SORBS2: variants seen among roughly 807,000 people sequenced by gnomAD.
SORBS2 encodes the protein sorbin and SH3 domain containing 2.
In SORBS2, 46 loss-of-function variants were observed where a neutral mutation model predicts 97.7. The ratio of observed to expected loss-of-function variants is 0.47; its 90% confidence interval spans 0.37 to 0.60. The LOEUF (loss-of-function observed/expected upper bound fraction) is 0.60, where lower values mean the gene tolerates loss of function less well. SORBS2 is among the 20% of genes least tolerant of loss of function. The pLI is 0.00. For missense variants in SORBS2, 1,316 were observed against 1,282.3 expected (o/e 1.03, Z -0.40); for synonymous variants, 476 against 473.4 (o/e 1.01, Z -0.07).
chr4:185,897,501 A>G (rs924892447), intron 1 of SORBS2, among the ~76,000 whole-genome samples: 10 of 152,212 alleles, frequency 6.6e-5, no homozygotes, highest in African/African-American at 2.4e-4. Flanking sequence ...TGGGTCTTCA[A>G]TCTGAAGGCT....
intron 4 of SORBS2, among the ~76,000 whole-genome samples, chr4:185,676,090 C>T (rs550353882): frequency 1.3e-5 from 2 of 152,312 alleles, no homozygotes; most frequent in African/African-American, 2.4e-5. Flanking sequence ...AACACTAGCG[C>T]TGTTGCTGCT....
chr4:185,751,190 A>AAAAAAAAAAAAAAAAAAAAAAAAGAG lies in SORBS2; in HGVS notation c.-198+24036_-198+24037insCTCTTTTTTTTTTTTTTTTTTTTTTT. Among the ~76,000 whole-genome samples, 30 of 86,492 alleles carry AAAAAAAAAAAAAAAAAAAAAAAAGAG rather than the reference A, an allele frequency of 3.5e-4. 2 individuals are homozygous for AAAAAAAAAAAAAAAAAAAAAAAAGAG. The highest frequency in any genetic ancestry group is 8.6e-4 in the African/African-American group (21 of 24,434). 56.7% of individuals were successfully genotyped at this position (86,492 alleles called of 152,430 possible). A position where few individuals can be genotyped will look rare whatever the true frequency, so the allele number is the denominator to read the frequency against. On this transcript the variant is annotated intron_variant, in intron 2 of 20. Coordinates refer to the SORBS2 transcript ENST00000284776. Reference sequence around the variant, plus strand: ...TAAATACTAAAAAAAAAAAAAAAAAAAGAGAAAGAGAGAGAAATTCAGGAA... The same window carrying AAAAAAAAAAAAAAAAAAAAAAAAGAG: ...TAAATACTAAAAAAAAAAAAAAAAAAAAAAAAAAAAAAAAAAAAAAAAAGAGAGAGAAAGAGAGAGAAATTCAGGAA...
At chr4:185,747,980 G>C (rs2098774286) in intron 2 of SORBS2, among the ~76,000 whole-genome samples, 1 of 151,880 alleles carries the variant, frequency 6.6e-6, no homozygotes. Context: ...AACAGAGTGA[G>C]ACTCAGTTTC....
At chr4:185,917,032 C>T (rs1013777824) in intron 1 of SORBS2, among the ~76,000 whole-genome samples, 1 of 152,122 alleles carries the variant, frequency 6.6e-6, no homozygotes, top group African/African-American at 2.4e-5. Flanking sequence ...AAGTGGATCA[C>T]CAATGGCCAA....
chr4:185,618,785 T>C (rs2096665533), intron 8 of SORBS2, among the ~76,000 whole-genome samples, 154 bp from the exon 21 acceptor site: 1 of 152,164 alleles, frequency 6.6e-6, no homozygotes, highest in African/African-American at 2.4e-5. Flanking sequence ...AGTCCATTCA[T>C]TCTTCATTTA....
chr4:185,605,898 T>C (rs948476929), intron 12 of SORBS2, among the ~76,000 whole-genome samples: 2 of 152,220 alleles, frequency 1.3e-5, no homozygotes, highest in African/African-American at 4.8e-5. Flanking sequence ...GTTTGCAAGC[T>C]AAAGTTTCTG....
intron 11 of SORBS2, among the ~76,000 whole-genome samples, chr4:185,614,260 A>G (rs1580995705): frequency 7.2e-6 from 1 of 138,128 alleles, no homozygotes; most frequent in South Asian, 2.3e-4. Flanking sequence ...CCCGGCCTCG[A>G]GGCTTTTGAT....
intron 1 of SORBS2, among the ~76,000 whole-genome samples, chr4:185,910,362 C>T (rs1482127508): frequency 6.6e-6 from 1 of 152,190 alleles, no homozygotes; most frequent in African/African-American, 2.4e-5. Flanking sequence ...AGAAGCCTTG[C>T]TATCCTTCAA....
At chr4:185,689,985 G>A (rs1005264086) in intron 2 of SORBS2, among the ~76,000 whole-genome samples, 4 of 152,130 alleles carry the variant, frequency 2.6e-5, no homozygotes, top group Non-Finnish European at 4.4e-5. Context: ...TATGTACAAA[G>A]CATGTATCAT....
intron 1 of SORBS2, among the ~76,000 whole-genome samples, chr4:185,916,298 C>T (rs2099258110): frequency 6.6e-6 from 1 of 152,156 alleles, no homozygotes; most frequent in African/African-American, 2.4e-5. Context: ...CTGTTTTCAT[C>T]TAAAAACTAT....
intron 2 of SORBS2, among the ~76,000 whole-genome samples, chr4:185,722,912 A>C (rs1020371367): frequency 1.3e-4 from 20 of 152,152 alleles, no homozygotes; most frequent in Non-Finnish European, 2.6e-4. Flanking sequence ...TATTCATGTC[A>C]TCACAGTGGG....
chr4:185,677,279 A>T (rs952718710), intron 4 of SORBS2: 5 of 1,551,944 alleles, frequency 3.2e-6, no homozygotes, highest in African/African-American at 1.4e-5. Flanking sequence ...GATCCTGGTT[A>T]TGGGTTAGTT....
At chr4:185,838,207 C>T (rs2099209284) in intron 1 of SORBS2, among the ~76,000 whole-genome samples, 1 of 152,276 alleles carries the variant, frequency 6.6e-6, no homozygotes, top group Non-Finnish European at 1.5e-5. Flanking sequence ...GCCCCGCCCA[C>T]AGGCCTTAGC....
intron 4 of SORBS2, among the ~76,000 whole-genome samples, chr4:185,644,050 T>G (rs1481988350): frequency 6.6e-6 from 1 of 152,184 alleles, no homozygotes; most frequent in Non-Finnish European, 1.5e-5. Context: ...AAGTCAGGAC[T>G]AATTTTTTTA....
At position 185,628,550 on chromosome 4, in the gene SORBS2, G is replaced by A. The variant is rs565610050; in HGVS notation, c.447-1531C>T. 1.6e-4 allele frequency among the ~76,000 whole-genome samples: 25 copies of A among 152,326 alleles called. 2 individuals carry two copies. In the South Asian group the frequency reaches 5.2e-3, roughly 32 times the overall value. ...GAGGATGGCTCAAGGTCAGGAGTTTGAGACCAGCCTGGACAACCTAGTGAG... is the reference window on the plus strand; with the variant it reads ...GAGGATGGCTCAAGGTCAGGAGTTTAAGACCAGCCTGGACAACCTAGTGAG... On this transcript the variant is annotated intron_variant, in intron 5 of 14. Transcript: ENST00000418609.
At chr4:185,879,165 T>A (rs867221903) in intron 1 of SORBS2, among the ~76,000 whole-genome samples, 2 of 57,174 alleles carry the variant, frequency 3.5e-5, no homozygotes, top group Non-Finnish European at 3.4e-5. Flanking sequence ...ATGCTATCCC[T>A]CCCCCCCCCC....
At chr4:185,783,513 T>C (rs1299469281) in intron 1 of SORBS2, among the ~76,000 whole-genome samples, 1 of 152,176 alleles carries the variant, frequency 6.6e-6, no homozygotes, top group Non-Finnish European at 1.5e-5. Flanking sequence ...TATAGTATAT[T>C]ATAGAGAAGT....
chr4:185,680,783 AC>A lies in SORBS2; in HGVS notation c.-197-1962del, dbSNP rs1350419578. Among the ~76,000 whole-genome samples the A allele has an allele frequency of 2.0e-5, 3 of 152,126 alleles. No homozygotes were observed. In the East Asian group the frequency reaches 5.8e-4, roughly 29 times the overall value. On this transcript the variant is annotated intron_variant, in intron 2 of 20. Coordinates refer to the SORBS2 transcript ENST00000284776. ...GGTGTACTGGGCGGGTCTGAAGGAC[AC>A]TAGAAATAAACTCCCTCTAAATGAT...
chr4:185,849,579 A>G (rs1384321612), intron 1 of SORBS2, among the ~76,000 whole-genome samples: 1 of 151,838 alleles, frequency 6.6e-6, no homozygotes, highest in Non-Finnish European at 1.5e-5. Context: ...CTTCTGCCTA[A>G]ACCCTGTCCT....
Sources: allele counts gnomAD v4.1 joint callset (sites outside exome capture counted in the v4.1 genomes callset), GRCh38; gene constraint gnomAD v4.1.1; transcripts MANE v1.5; gene names NCBI Gene and HGNC (gene_info 2026-07-23, HGNC 2026-07-21).